CDH4: variants seen among roughly 807,000 people sequenced by gnomAD.
CDH4 encodes the protein cadherin-4.
CDH4 carries 33 observed loss-of-function variants against 86.0 expected under a neutral mutation model. The observed-to-expected ratio is 0.38, with a 90% CI of 0.29 to 0.51. The LOEUF (loss-of-function observed/expected upper bound fraction) is 0.51. Among genes scored for constraint, CDH4 ranks in the 20% least tolerant of loss-of-function variants. The pLI, the probability that CDH4 is intolerant of heterozygous loss-of-function variation, is 0.86. For synonymous variants in CDH4, 555 were observed against 549.4 expected (o/e 1.01, Z -0.14); for missense variants, 1,114 against 1,307.4 (o/e 0.85, Z 2.28).
chr20:61,924,580 G>A, intron 11 of CDH4, 104 bp downstream of exon 11: 1 of 1,286,584 alleles, frequency 7.8e-7, no homozygotes, highest in South Asian at 1.4e-5. Context: ...GAGGCCAGCA[G>A]GCATCCAGAG....
chr20:61,731,640 C>T (rs1025315544), intron 2 of CDH4, among the ~76,000 whole-genome samples: 4 of 152,202 alleles, frequency 2.6e-5, no homozygotes, highest in African/African-American at 9.6e-5. Flanking sequence ...CGGGACGCCT[C>T]CTGCCAAGCC....
chr20:61,357,178 G>A (rs771728251), intron 2 of CDH4, among the ~76,000 whole-genome samples: 4 of 152,180 alleles, frequency 2.6e-5, no homozygotes, highest in Non-Finnish European at 5.9e-5. Context: ...GCTGAAACCT[G>A]CCTCCTGATT....
intron 2 of CDH4, among the ~76,000 whole-genome samples, chr20:61,286,042 A>G (rs893253939): frequency 6.6e-6 from 1 of 152,126 alleles, no homozygotes; most frequent in African/African-American, 2.4e-5. Flanking sequence ...TGTGTTAAGT[A>G]TTGCGCTCTG....
At chr20:61,455,811 T>A (rs1426737978) in intron 2 of CDH4, among the ~76,000 whole-genome samples, 1 of 152,116 alleles carries the variant, frequency 6.6e-6, no homozygotes, top group Non-Finnish European at 1.5e-5. Flanking sequence ...CTGTGTATGG[T>A]CCTTACATGT....
At chr20:61,550,184 G>C (rs2086118335) in intron 2 of CDH4, among the ~76,000 whole-genome samples, 1 of 136,622 alleles carries the variant, frequency 7.3e-6, no homozygotes, top group Non-Finnish European at 1.6e-5. Flanking sequence ...GGCCTCCCTA[G>C]CCTGCTTCCC....
chr20:61,756,464 C>T (rs575027134), intron 3 of CDH4, among the ~76,000 whole-genome samples: 22 of 152,182 alleles, frequency 1.4e-4, no homozygotes, highest in Non-Finnish European at 2.4e-4. Context: ...CTGCACAGGC[C>T]TGTCCCCCAC....
chr20:61,802,185 G>A (rs566657505), intron 4 of CDH4, among the ~76,000 whole-genome samples: 4 of 152,286 alleles, frequency 2.6e-5, no homozygotes, highest in East Asian at 3.9e-4. Context: ...ACCCCTCCTC[G>A]GCTTCATTCA....
intron 2 of CDH4, among the ~76,000 whole-genome samples, chr20:61,316,639 GAC>G (rs1251103113): frequency 1.3e-5 from 2 of 152,224 alleles, no homozygotes; most frequent in Non-Finnish European, 2.9e-5. Flanking sequence ...AAATGTTGCT[GAC>G]TGATGGGTGG....
At chr20:61,435,580 G>T (rs1348114614) in intron 2 of CDH4, 1 of 152,430 alleles carries the variant, frequency 6.6e-6, no homozygotes, top group Non-Finnish European at 1.5e-5. Flanking sequence ...CTCCGAGGAG[G>T]AAGTAGGAGA....
chr20:61,841,772 CG>C (rs1233991495), intron 4 of CDH4, among the ~76,000 whole-genome samples: 1 of 149,910 alleles, frequency 6.7e-6, no homozygotes, highest in African/African-American at 2.5e-5. Flanking sequence ...TGTGTGCGCG[CG>C]TGCGCGCACC....
intron 5 of CDH4, among the ~76,000 whole-genome samples, chr20:61,851,447 G>A (rs1982721960): frequency 6.6e-6 from 1 of 152,236 alleles, no homozygotes; most frequent in Admixed American, 6.5e-5. Context: ...TGAGTTCGGG[G>A]GAGTGGCAGC....
At chr20:61,755,387 C>A (rs1344217384) in intron 3 of CDH4, among the ~76,000 whole-genome samples, 2 of 146,012 alleles carry the variant, frequency 1.4e-5, no homozygotes, top group African/African-American at 5.1e-5. Context: ...CACACACACA[C>A]ACGCCCCATG....
intron 2 of CDH4, among the ~76,000 whole-genome samples, chr20:61,444,665 G>A (rs62650047): frequency 0.55 from 81,914 of 149,218 alleles, 22,305 homozygotes; most frequent in Admixed American, 0.59. Flanking sequence ...TTGTGTATCC[G>A]TATGTATATC....
At chr20:61,442,735 C>A (rs990036703) in intron 2 of CDH4, among the ~76,000 whole-genome samples, 8 of 152,190 alleles carry the variant, frequency 5.3e-5, no homozygotes, top group Non-Finnish European at 7.3e-5. Context: ...GAAGCAGCTC[C>A]TTTTAGGAAA....
chr20:61,504,979 G>A (rs1310348786), intron 2 of CDH4, among the ~76,000 whole-genome samples: 3 of 152,236 alleles, frequency 2.0e-5, no homozygotes, highest in African/African-American at 7.2e-5. Flanking sequence ...CGCTGCAAAT[G>A]TTGGGGAGGG....
chr20:61,621,785 AC>A (rs1299121836), intron 2 of CDH4, among the ~76,000 whole-genome samples: 1 of 152,248 alleles, frequency 6.6e-6, no homozygotes, highest in Admixed American at 6.5e-5. Flanking sequence ...GATACTATTT[AC>A]ATTTGTTAAT....
intron 2 of CDH4, among the ~76,000 whole-genome samples, chr20:61,348,400 G>C (rs1267921657): frequency 6.6e-6 from 1 of 152,056 alleles, no homozygotes; most frequent in Non-Finnish European, 1.5e-5. Flanking sequence ...ATGACACATG[G>C]GAATTATGGG....
intron 2 of CDH4, among the ~76,000 whole-genome samples, chr20:61,586,031 TGA>T (rs142809599): frequency 6.1e-5 from 9 of 148,332 alleles, no homozygotes; most frequent in Non-Finnish European, 1.0e-4. Context: ...GTGATGGTGA[TGA>T]TGTGGTGATG....
intron 2 of CDH4, among the ~76,000 whole-genome samples, chr20:61,658,394 A>G (rs1038983549): frequency 6.6e-6 from 1 of 152,120 alleles, no homozygotes; most frequent in Non-Finnish European, 1.5e-5. Flanking sequence ...CGCAGCTGCA[A>G]TCCCTGAGTC....
Sources: allele counts gnomAD v4.1 joint callset (sites outside exome capture counted in the v4.1 genomes callset), GRCh38; gene constraint gnomAD v4.1.1; transcripts MANE v1.5; gene names NCBI Gene and HGNC (gene_info 2026-07-23, HGNC 2026-07-21).